Variants in PTPRD observed in about 807,000 individuals in gnomAD.
PTPRD encodes receptor-type tyrosine-protein phosphatase delta.
A neutral mutation model predicts 214.5 loss-of-function variants in PTPRD; 34 were observed. The observed-to-expected ratio is 0.16, with a 90% CI of 0.12 to 0.21. The LOEUF is 0.21. Ranked by LOEUF, PTPRD falls within the 10% of genes least tolerant of loss-of-function variation. The pLI, the probability that PTPRD is intolerant of heterozygous loss-of-function variation, is 1.00. For synonymous variants in PTPRD, 1,128 were observed against 845.7 expected (o/e 1.33, Z -5.79); for missense variants, 2,545 against 2,398.7 (o/e 1.06, Z -1.27).
intron 9 of PTPRD, among the ~76,000 whole-genome samples, chr9:9,272,703 G>T (rs1943437212): frequency 6.6e-6 from 1 of 151,164 alleles, no homozygotes; most frequent in Non-Finnish European, 1.5e-5. Context: ...ATTACTCCTT[G>T]TTCAGAAGTC....
At chr9:9,018,803 A>C (rs2099547180) in intron 10 of PTPRD, 68 bp from the exon 11 acceptor site, 1 of 152,202 alleles carries the variant, frequency 6.6e-6, no homozygotes, top group South Asian at 2.1e-4. Flanking sequence ...CTGCTCATTT[A>C]GGTGATGCAT....
At chr9:9,787,694 C>G (rs1597812129) in intron 5 of PTPRD, among the ~76,000 whole-genome samples, 1 of 151,628 alleles carries the variant, frequency 6.6e-6, no homozygotes, top group Admixed American at 6.6e-5. Context: ...GGTCAGAGAC[C>G]TGAGAAAGAT....
intron 6 of PTPRD, among the ~76,000 whole-genome samples, chr9:9,764,044 A>G (rs571498086): frequency 6.6e-6 from 1 of 152,244 alleles, no homozygotes; most frequent in African/African-American, 2.4e-5. Context: ...GCACCTCTCC[A>G]TTGTAGCATA....
At chr9:9,789,305 G>A (rs947984332) in intron 5 of PTPRD, among the ~76,000 whole-genome samples, 1 of 152,174 alleles carries the variant, frequency 6.6e-6, no homozygotes, top group African/African-American at 2.4e-5. Context: ...AGTTCCCGTA[G>A]CGTATGAGAT....
At chr9:9,925,423 C>T (rs1261284612) in intron 5 of PTPRD, among the ~76,000 whole-genome samples, 6 of 152,004 alleles carry the variant, frequency 3.9e-5, no homozygotes, top group Non-Finnish European at 8.8e-5. Context: ...TAAGGTCTTA[C>T]ATACAGGACC....
At chr9:9,117,025 A>C (rs1004396444) in intron 10 of PTPRD, among the ~76,000 whole-genome samples, 2 of 152,090 alleles carry the variant, frequency 1.3e-5, no homozygotes, top group Non-Finnish European at 2.9e-5. Flanking sequence ...GAGATGGGAG[A>C]AACAGGACAG....
chr9:9,831,276 T>C (rs1458162100), intron 5 of PTPRD, among the ~76,000 whole-genome samples: 1 of 151,972 alleles, frequency 6.6e-6, no homozygotes, highest in Non-Finnish European at 1.5e-5. Flanking sequence ...GAGACATTTT[T>C]TGACATTGCT....
chr9:9,772,601 G>C (rs1384057368), intron 5 of PTPRD, among the ~76,000 whole-genome samples: 3 of 152,114 alleles, frequency 2.0e-5, no homozygotes, highest in African/African-American at 4.8e-5. Flanking sequence ...GCAATCTATT[G>C]ACCTGAAGAT....
At chr9:9,307,305 T>C (rs1957442925) in intron 9 of PTPRD, among the ~76,000 whole-genome samples, 1 of 152,160 alleles carries the variant, frequency 6.6e-6, no homozygotes, top group Non-Finnish European at 1.5e-5. Flanking sequence ...TCTTGGAGGC[T>C]AGGCACGTAC....
intron 14 of PTPRD, among the ~76,000 whole-genome samples, chr9:8,626,031 CT>C (rs1420084699): frequency 6.6e-6 from 1 of 151,566 alleles, no homozygotes; most frequent in Admixed American, 6.6e-5. Context: ...GTAATTAGGG[CT>C]TTGATAATTA....
intron 5 of PTPRD, among the ~76,000 whole-genome samples, chr9:9,913,658 G>C (rs935188107): frequency 1.3e-5 from 2 of 152,126 alleles, no homozygotes; most frequent in African/African-American, 4.8e-5. Flanking sequence ...CTATTGCCAG[G>C]AAAAGGTAAG....
intron 11 of PTPRD, among the ~76,000 whole-genome samples, chr9:8,920,081 C>T (rs2098816789): frequency 1.3e-5 from 2 of 152,068 alleles, no homozygotes; most frequent in African/African-American, 4.8e-5. Flanking sequence ...TGGCTCACAG[C>T]TGTAATCCTA....
chr9:9,779,781 C>A (rs2098828386), intron 5 of PTPRD, among the ~76,000 whole-genome samples: 1 of 152,166 alleles, frequency 6.6e-6, no homozygotes. Flanking sequence ...TCCCTTTTCT[C>A]CACAGTCTTA....
At chr9:8,862,095 A>C (rs940453489) in intron 11 of PTPRD, 1 of 152,230 alleles carries the variant, frequency 6.6e-6, no homozygotes, top group African/African-American at 2.4e-5. Flanking sequence ...TGTGGCTCAC[A>C]CCTGTAATCC....
chr9:8,357,659 G>T (rs1361039587), intron 39 of PTPRD, among the ~76,000 whole-genome samples: 1 of 152,138 alleles, frequency 6.6e-6, no homozygotes, highest in East Asian at 1.9e-4. Context: ...TAATACTAGG[G>T]ACGCTATATG....
intron 7 of PTPRD, among the ~76,000 whole-genome samples, chr9:9,685,513 A>G (rs1280125460): frequency 6.6e-6 from 1 of 151,318 alleles, no homozygotes; most frequent in African/African-American, 2.4e-5. Context: ...TCCTTTAGAT[A>G]TATATTTGAA....
At chr9:10,239,558 A>G (rs575608542) in intron 3 of PTPRD, among the ~76,000 whole-genome samples, 3 of 152,098 alleles carry the variant, frequency 2.0e-5, no homozygotes, top group East Asian at 3.9e-4. Context: ...TTTGCAAAAT[A>G]TATGTTAAAA....
chr9:10,174,238 T>A (rs535764583), intron 3 of PTPRD, among the ~76,000 whole-genome samples: 1 of 152,316 alleles, frequency 6.6e-6, no homozygotes, highest in African/African-American at 2.4e-5. Context: ...GGGAGATGTT[T>A]GGGTCCTGGG....
chr9:9,903,638 T>C (rs1294071730), intron 5 of PTPRD, among the ~76,000 whole-genome samples: 1 of 152,044 alleles, frequency 6.6e-6, no homozygotes, highest in African/African-American at 2.4e-5. Context: ...AAAAATAAGA[T>C]ATAATTAAAC....
Sources: gnomAD v4.1 joint callset for allele counts (sites outside exome capture counted in the v4.1 genomes callset) on GRCh38, gnomAD v4.1.1 for gene constraint, MANE v1.5 for transcripts, NCBI Gene and HGNC (gene_info 2026-07-23, HGNC 2026-07-21) for gene names.